Variants in PAX5 observed in about 807,000 individuals in gnomAD.
PAX5 encodes paired box 5.
PAX5 carries 9 observed loss-of-function variants against 43.7 expected under a neutral mutation model. The ratio of observed to expected loss-of-function variants is 0.21; its 90% CI spans 0.12 to 0.36. The LOEUF (loss-of-function observed/expected upper bound fraction) is 0.36. PAX5 is among the 10% of genes least tolerant of loss of function. The probability of loss-of-function intolerance (pLI) is 1.00; values close to 1 mark genes in which losing one functional copy is unlikely to be tolerated. For missense variants in PAX5, 383 were observed against 532.7 expected (o/e 0.72, Z 2.77); for synonymous variants, 228 against 214.3 (o/e 1.06, Z -0.56).
intron 5 of PAX5, among the ~76,000 whole-genome samples, chr9:36,995,171 C>G (rs1241342695): frequency 6.6e-6 from 1 of 152,242 alleles, no homozygotes; most frequent in Non-Finnish European, 1.5e-5. Context: ...GATGGAGAGG[C>G]TGCCTGTTCA....
At chr9:36,955,434 T>C (rs1833363741) in intron 6 of PAX5, among the ~76,000 whole-genome samples, 1 of 152,100 alleles carries the variant, frequency 6.6e-6, no homozygotes, top group African/African-American at 2.4e-5. Context: ...TTTAGAAATA[T>C]TTTGTTTTTG....
intron 4 of PAX5, among the ~76,000 whole-genome samples, chr9:37,005,087 A>G (rs918268334): frequency 3.3e-5 from 5 of 152,364 alleles, no homozygotes; most frequent in African/African-American, 1.2e-4. Context: ...TTTCAGTGCT[A>G]TGTGACCTGA....
At chr9:36,941,100 G>A (rs1430391419) in intron 6 of PAX5, among the ~76,000 whole-genome samples, 2 of 152,190 alleles carry the variant, frequency 1.3e-5, no homozygotes, top group Non-Finnish European at 2.9e-5. Flanking sequence ...GAGAAAGCAC[G>A]GATTAGCGTG....
At chr9:37,023,898 C>T (rs533290539) in intron 1 of PAX5, among the ~76,000 whole-genome samples, 3 of 152,186 alleles carry the variant, frequency 2.0e-5, no homozygotes, top group Non-Finnish European at 2.9e-5. Context: ...AGGCAGTAGA[C>T]ATATACATGG....
Position 36,923,429 on chromosome 9 carries a change from G to A in PAX5, c.836C>T (p.Ala279Val). The A allele has an allele frequency of 1.2e-6, 2 of 1,612,902 alleles. No homozygotes were observed. The highest frequency in any genetic ancestry group is 1.7e-6 in the Non-Finnish European group (2 of 1,179,984). The change falls in exon 7 of 10, where the codon GCC becomes GTC. Residue 279 changes from alanine (A) to valine (V), a missense_variant. Transcript: ENST00000358127. Reference protein sequence around the residue: ...SLAGGLDDMKANLASPTPADI... With the variant: ...SLAGGLDDMKVNLASPTPADI... ...AGCAGGGGTGGGGCTGGCCAGATTG[G>A]CCTTCATGTCGTCCAGCCCACCAGC...
intron 6 of PAX5, among the ~76,000 whole-genome samples, chr9:36,927,309 G>A (rs763005639): frequency 6.6e-6 from 1 of 152,160 alleles, no homozygotes; most frequent in Non-Finnish European, 1.5e-5. Context: ...GGGTCTGCAA[G>A]GGAATGCCTT....
chr9:36,950,472 A>C (rs1202463584), intron 6 of PAX5, among the ~76,000 whole-genome samples: 1 of 152,194 alleles, frequency 6.6e-6, no homozygotes, highest in Non-Finnish European at 1.5e-5. Flanking sequence ...CTGACACTTG[A>C]AACCCCTCCT....
In PAX5 at chr9:37,002,652, G is replaced by A. The variant is rs1457359739; in HGVS notation, c.600C>T (p.Asp200=). Residue 200 remains aspartate (D), a synonymous_variant, in exon 5 of 10, where the codon GAC becomes GAT. Coordinates refer to ENST00000358127, the MANE Select transcript of PAX5 (RefSeq NM_016734.3). The stretch of plus-strand genomic sequence containing the variant: ...GGCTGCGCGGGCCTCTCTTACCTTC[G>A]TCTCTCTTGCGCTTGTTGGTGTCGG... The part of the protein sequence containing the change: ...PSADTNKRKR[D]EGIQESPVPN... 1.2e-6 allele frequency: 2 copies of A among 1,611,440 alleles called. No homozygotes were observed. Among genetic ancestry groups the A allele is most frequent in the Admixed American group, 1.7e-5 (1 of 59,860 alleles).
At chr9:36,938,652 G>A (rs1195194366) in intron 6 of PAX5, among the ~76,000 whole-genome samples, 4 of 152,162 alleles carry the variant, frequency 2.6e-5, no homozygotes, top group Admixed American at 2.0e-4. Context: ...TTATTTCCAG[G>A]AAAGGAAGAG....
At chr9:36,949,576 A>G (rs1832833506) in intron 6 of PAX5, among the ~76,000 whole-genome samples, 1 of 152,198 alleles carries the variant, frequency 6.6e-6, no homozygotes, top group Non-Finnish European at 1.5e-5. Context: ...TTATTACCAC[A>G]ATCTCCCAAG....
intron 7 of PAX5, among the ~76,000 whole-genome samples, chr9:36,893,005 G>C (rs114816741): frequency 2.0e-5 from 3 of 152,204 alleles, no homozygotes; most frequent in Non-Finnish European, 4.4e-5. Context: ...ACAGATGGGA[G>C]GGCTTAGGTT....
intron 7 of PAX5, among the ~76,000 whole-genome samples, chr9:36,916,540 T>C (rs1829740020): frequency 6.6e-6 from 1 of 152,192 alleles, no homozygotes; most frequent in Admixed American, 6.5e-5. Flanking sequence ...CATTTTATGA[T>C]ATTTAGTTTT....
intron 5 of PAX5, among the ~76,000 whole-genome samples, chr9:36,975,694 T>C (rs1345858267): frequency 2.0e-5 from 3 of 152,188 alleles, no homozygotes; most frequent in Non-Finnish European, 4.4e-5. Flanking sequence ...CTTGAGCAAC[T>C]TCTTTAACTG....
Position 37,002,639 on chromosome 9 carries a change from C to T in PAX5, c.604+9G>A. ...GCATCCCCGACGGGGCTGCGCGGGC[C>T]TCTCTTACCTTCGTCTCTCTTGCGC... On this transcript the variant is annotated intron_variant, in intron 5 of 9. Coordinates refer to ENST00000358127, the MANE Select transcript of PAX5 (RefSeq NM_016734.3). 6.2e-7 allele frequency: 1 copy of T among 1,608,476 alleles called. No homozygotes were observed. Among genetic ancestry groups the T allele is most frequent in the African/African-American group, 1.3e-5 (1 of 74,806 alleles).
At chr9:36,855,341 C>T (rs542365620) in intron 8 of PAX5, among the ~76,000 whole-genome samples, 2 of 152,344 alleles carry the variant, frequency 1.3e-5, no homozygotes, top group Admixed American at 1.3e-4. Flanking sequence ...CTTTCTGTAA[C>T]CTGCCTGGCC....
chr9:36,903,969 G>A (rs984648771), intron 7 of PAX5, among the ~76,000 whole-genome samples: 5 of 152,210 alleles, frequency 3.3e-5, no homozygotes, highest in African/African-American at 1.2e-4. Context: ...GGTCTGTGGA[G>A]TCTGACTGCC....
chr9:36,900,192 C>T (rs773389665), intron 7 of PAX5, among the ~76,000 whole-genome samples: 7 of 152,360 alleles, frequency 4.6e-5, no homozygotes, highest in Admixed American at 6.5e-5. Context: ...GCCTCCCTTG[C>T]GTGAGGGTGC....
chr9:36,977,616 C>T (rs959959588), intron 5 of PAX5, among the ~76,000 whole-genome samples: 3 of 152,146 alleles, frequency 2.0e-5, no homozygotes, highest in African/African-American at 7.2e-5. Context: ...CTGCAACCTC[C>T]ACCTCCCAGG....
In PAX5 at chr9:37,034,098, C is replaced by CTTTCTTTT. The variant is rs1841297179; in HGVS notation, c.-68_-67insAAAAGAAA. ...TCCACTTTTTTGTGCCTTTTTTTTTCTTTTTTTTTTTTTTTTTTTTTTTTT... is the reference window on the plus strand; with the variant it reads ...TCCACTTTTTTGTGCCTTTTTTTTTCTTTCTTTTTTTTTTTTTTTTTTTTTTTTTTTTT... On this transcript the variant is annotated 5_prime_UTR_variant, in exon 1 of 10. Transcript: ENST00000358127. The CTTTCTTTT allele has an allele frequency of 6.2e-6, 2 of 320,068 alleles. No homozygotes were observed. Among genetic ancestry groups the CTTTCTTTT allele is most frequent in the African/African-American group, 8.6e-5 (2 of 23,190 alleles). 19.8% of individuals were successfully genotyped at this position (320,068 alleles called of 1,614,324 possible).
Sources: allele counts gnomAD v4.1 joint callset (sites outside exome capture counted in the v4.1 genomes callset), GRCh38; gene constraint gnomAD v4.1.1; transcripts MANE v1.5; gene names NCBI Gene and HGNC (gene_info 2026-07-23, HGNC 2026-07-21).